The following KIAA1217 variants were observed in gnomAD, a reference collection of about 807,000 sequenced individuals.
KIAA1217 encodes KIAA1217.
KIAA1217 carries 88 observed loss-of-function variants against 163.9 expected under a neutral mutation model. That is an observed-to-expected ratio of 0.54 (90% CI 0.45 to 0.64). KIAA1217 has a LOEUF of 0.64. Among genes scored for constraint, KIAA1217 ranks in the 30% least tolerant of loss-of-function variants. The pLI, the probability that KIAA1217 is intolerant of heterozygous loss-of-function variation, is 0.00. For synonymous variants in KIAA1217, 903 were observed against 923.1 expected, an observed-to-expected ratio of 0.98 and a Z score of 0.39; for missense variants, 2,372 against 2,475.0, an observed-to-expected ratio of 0.96 and a Z score of 0.88.
At chr10:24,045,474 A>C (rs1309693050) in intron 2 of KIAA1217, among the ~76,000 whole-genome samples, 2 of 151,974 alleles carry the variant, frequency 1.3e-5, no homozygotes, top group Non-Finnish European at 2.9e-5. Context: ...ACCTCCTAGG[A>C]GTTGGCTCTT....
At chr10:23,920,496 C>T (rs992883002) in intron 1 of KIAA1217, among the ~76,000 whole-genome samples, 1 of 152,170 alleles carries the variant, frequency 6.6e-6, no homozygotes, top group African/African-American at 2.4e-5. Flanking sequence ...AGGTTAATGA[C>T]TTGTGGTGCG....
At chr10:24,481,611 G>A (rs559284941) in intron 6 of KIAA1217, 1 of 152,148 alleles carries the variant, frequency 6.6e-6, no homozygotes, top group African/African-American at 2.4e-5. Flanking sequence ...GGTTAAAGAG[G>A]CTTCCATGGG....
At chr10:23,886,193 A>G (rs1358394831) in intron 1 of KIAA1217, among the ~76,000 whole-genome samples, 1 of 151,960 alleles carries the variant, frequency 6.6e-6, no homozygotes. Flanking sequence ...CTGACCCTGT[A>G]GTGACCTTTT....
At chr10:23,836,531 T>C (rs1185738461) in intron 1 of KIAA1217, among the ~76,000 whole-genome samples, 1 of 151,610 alleles carries the variant, frequency 6.6e-6, no homozygotes, top group Non-Finnish European at 1.5e-5. Flanking sequence ...TTTTTTTTTT[T>C]TACTTTGTAT....
chr10:24,164,439 C>T (rs1044670257), intron 2 of KIAA1217, among the ~76,000 whole-genome samples: 16 of 152,252 alleles, frequency 1.1e-4, no homozygotes, highest in African/African-American at 3.8e-4. Context: ...TTCAAGAGTT[C>T]GCCTCCAATA....
chr10:23,794,824 A>G (rs116155474), intron 1 of KIAA1217, among the ~76,000 whole-genome samples: 4,872 of 152,314 alleles, frequency 0.032, 121 homozygotes, highest in South Asian at 0.08. Flanking sequence ...ATATATAAAG[A>G]TACATCTTTT....
At chr10:24,354,527 C>A (rs2048839079) in intron 2 of KIAA1217, among the ~76,000 whole-genome samples, 1 of 152,180 alleles carries the variant, frequency 6.6e-6, no homozygotes, top group Non-Finnish European at 1.5e-5. Context: ...GTATCCAAGT[C>A]CTTGTCCTGC....
intron 3 of KIAA1217, among the ~76,000 whole-genome samples, chr10:24,397,471 C>G (rs79099517): frequency 6.6e-6 from 1 of 152,122 alleles, no homozygotes; most frequent in Non-Finnish European, 1.5e-5. Context: ...CTATGCTAGG[C>G]GGTATCTAAC....
chr10:24,267,860 A>G (rs2076384472), intron 2 of KIAA1217, among the ~76,000 whole-genome samples: 1 of 152,230 alleles, frequency 6.6e-6, no homozygotes, highest in East Asian at 1.9e-4. Flanking sequence ...GGTTTGCCTA[A>G]GAGTACTCCA....
chr10:24,352,417 T>C (rs2048563582), intron 2 of KIAA1217, among the ~76,000 whole-genome samples: 1 of 152,210 alleles, frequency 6.6e-6, no homozygotes, highest in Non-Finnish European at 1.5e-5. Context: ...AAAACCTTCC[T>C]TTGCCATTCT....
intron 1 of KIAA1217, among the ~76,000 whole-genome samples, chr10:23,805,996 C>CAAAAAAAAAAAAAAAAAAAAAAAAAAA (rs71397917): frequency 3.3e-5 from 1 of 30,500 alleles, no homozygotes; most frequent in Non-Finnish European, 5.6e-5. Context: ...AACTCCATCT[C>CAAAAAAAAAAAAAAAAAAAAAAAAAAA]AAAAAAAAAA....
intron 1 of KIAA1217, among the ~76,000 whole-genome samples, chr10:23,704,164 GTGTGTGTGTATATATATATA>G (rs1279385324): frequency 0.019 from 1,569 of 80,594 alleles, 74 homozygotes; most frequent in African/African-American, 0.088. Context: ...GTGTGTGTGT[GTGTGTGTGTATATATATATA>G]TATATATATA....
intron 2 of KIAA1217, among the ~76,000 whole-genome samples, chr10:24,191,935 G>A (rs2130470265): frequency 6.6e-6 from 1 of 152,238 alleles, no homozygotes; most frequent in Middle Eastern, 3.4e-3. Flanking sequence ...TGTATTTTTA[G>A]TAGAGACAGA....
intron 1 of KIAA1217, among the ~76,000 whole-genome samples, chr10:23,963,465 A>G (rs1589149944): frequency 1.3e-5 from 2 of 152,286 alleles, no homozygotes; most frequent in South Asian, 4.2e-4. Context: ...TTATGGCTGT[A>G]GAGTATTCCA....
At chr10:24,051,985 T>C (rs1849549060) in intron 2 of KIAA1217, among the ~76,000 whole-genome samples, 1 of 152,198 alleles carries the variant, frequency 6.6e-6, no homozygotes, top group Non-Finnish European at 1.5e-5. Context: ...ATCTTTGTTT[T>C]TGTTGCATTT....
chr10:23,992,934 A>T (rs891185410), intron 1 of KIAA1217, among the ~76,000 whole-genome samples: 2 of 150,830 alleles, frequency 1.3e-5, no homozygotes, highest in African/African-American at 4.9e-5. Flanking sequence ...AAGTGATACC[A>T]CCGCCAGTTT....
Position 24,003,987 on chromosome 10 carries a change from A to G in KIAA1217, c.-320-3238A>G, listed in dbSNP as rs185116167. Among the ~76,000 whole-genome samples the G allele has an allele frequency of 3.5e-3, 539 of 151,852 alleles. 6 individuals are homozygous for G. Among genetic ancestry groups the G allele is most frequent in the South Asian group, 0.03 (146 of 4,810 alleles). ...TTTTTTATTTTATTTTATTTTATTT[A>G]TTTGCTTTTTGAGTAGGAGTCTCAC... is the stretch of plus-strand genomic sequence containing the variant. On this transcript the variant is annotated intron_variant, in intron 1 of 18. Transcript: ENST00000376462.
At chr10:24,120,693 T>G (rs1433445160) in intron 2 of KIAA1217, among the ~76,000 whole-genome samples, 1 of 152,212 alleles carries the variant, frequency 6.6e-6, no homozygotes, top group Non-Finnish European at 1.5e-5. Flanking sequence ...TAAATGAGAA[T>G]GTGCCTTATG....
intron 1 of KIAA1217, among the ~76,000 whole-genome samples, chr10:23,729,844 A>G (rs1838372744): frequency 6.6e-6 from 1 of 152,154 alleles, no homozygotes; most frequent in Non-Finnish European, 1.5e-5. Flanking sequence ...ATTGTATCCA[A>G]AAAGTAATTG....
Sources: allele counts gnomAD v4.1 joint callset (sites outside exome capture counted in the v4.1 genomes callset), GRCh38; gene constraint gnomAD v4.1.1; transcripts MANE v1.5; gene names NCBI Gene and HGNC (gene_info 2026-07-23, HGNC 2026-07-21).